PXN: variants seen among roughly 807,000 people sequenced by gnomAD.
PXN encodes testicular tissue protein Li 134.
PXN carries 61 observed loss-of-function variants against 103.6 expected under a neutral mutation model. The observed-to-expected ratio is 0.59, with a 90% CI of 0.48 to 0.73. The LOEUF (loss-of-function observed/expected upper bound fraction) is 0.73. Among genes scored for constraint, PXN ranks in the 30% least tolerant of loss-of-function variants. PXN has a pLI of 0.00. For missense variants in PXN, 1,274 were observed against 1,460.3 expected (o/e 0.87, Z 2.08); for synonymous variants, 562 against 607.8 (o/e 0.92, Z 1.11).
At position 120,219,257 on chromosome 12, in the gene PXN, T is replaced by C. The variant is rs1231707212; in HGVS notation, c.1666A>G (p.Met556Val). Residue 556 changes from methionine (M) to valine (V), a missense_variant, in exon 7 of 15, where the codon ATG becomes GTG. This residue lies in a region of PXN where 1,178 missense variants were observed against 1,309.0 expected (regional missense o/e 0.90). Transcript: ENST00000637617. This position sits in a 1 kb window ranked among gnomAD's most constrained non-coding sequence, Gnocchi z 6.5. ...GTGGTGCTGGGTGTGCCCATGGCCA[T>C]GGCACATGGAAGCTCTGGCTGTTCC... ...GKEQPELPCA[M>V]AMGTPSTTER... 1.3e-6 allele frequency: 2 copies of C among 1,597,948 alleles called. No homozygotes were observed. Among genetic ancestry groups the C allele is most frequent in the East Asian group, 2.2e-5 (1 of 44,864 alleles).
In PXN at chr12:120,212,597, G is replaced by A. The variant is rs1267434602; in HGVS notation, c.2980-17C>T. 2 of 1,606,486 alleles carry A rather than the reference G, an allele frequency of 1.2e-6. No homozygotes were observed. The highest frequency in any genetic ancestry group is 1.7e-5 in the Admixed American group (1 of 59,876). On this transcript the variant is annotated splice_polypyrimidine_tract_variant and intron_variant, in intron 14 of 14. Transcript: ENST00000637617. The surrounding 1 kb of genome is among the most constrained non-coding windows in gnomAD (Gnocchi z 7.2). ...GAAGCATTCCTGCCAGGCGGAGAGA[G>A]GGGCTCAGGGAGCTGCCCCTCGGGC...
rs771359040 is a variant in PXN at position 120,219,648 on chromosome 12, C to G, written c.1275G>C (p.Ser425=). The change falls in exon 7 of 15, where the codon TCG becomes TCC. Residue 425 remains serine (S), a synonymous_variant. Transcript: ENST00000637617. This position sits in a 1 kb window ranked among gnomAD's most constrained non-coding sequence, Gnocchi z 6.5. ...GEPQGPPASP[S]CPEEALAATW... ...TGGCAGCCAAGGCCTCCTCTGGGCACGAAGGGCTGGCTGGTGGCCCCTGGG... is the reference window on the plus strand; with the variant it reads ...TGGCAGCCAAGGCCTCCTCTGGGCAGGAAGGGCTGGCTGGTGGCCCCTGGG... 19 of 1,579,088 alleles carry G rather than the reference C, an allele frequency of 1.2e-5. No individual in the cohort carries two copies. Among genetic ancestry groups the G allele is most frequent in the Non-Finnish European group, 1.4e-5 (16 of 1,170,870 alleles).
intron 1 of PXN, among the ~76,000 whole-genome samples, chr12:120,250,769 T>C (rs117468623): frequency 0.011 from 1,678 of 152,270 alleles, 18 homozygotes; most frequent in Non-Finnish European, 0.017. Flanking sequence ...TGAAGAGTCC[T>C]AAATCACATT....
At chr12:120,242,768 C>A (rs540784324) in intron 1 of PXN, among the ~76,000 whole-genome samples, 1 of 151,948 alleles carries the variant, frequency 6.6e-6, no homozygotes, top group Non-Finnish European at 1.5e-5. Context: ...GTAATCCCAG[C>A]TATTCAGGAG....
At chr12:120,226,070 A>T in intron 1 of PXN, 1 of 1,098,962 alleles carries the variant, frequency 9.1e-7, no homozygotes, top group Non-Finnish European at 1.1e-6. Flanking sequence ...AACCGGAACT[A>T]GAGGGAGTTG....
At position 120,222,453 on chromosome 12, in the gene PXN, G is replaced by A; in HGVS notation, c.695+96C>T. ...GCCTGGCAAATGGCAGACACGGGAGGGAGTGGGTGATACCAGGGCTAAGGG... is the reference window on the plus strand; with the variant it reads ...GCCTGGCAAATGGCAGACACGGGAGAGAGTGGGTGATACCAGGGCTAAGGG... On this transcript the variant is annotated intron_variant, in intron 5 of 14. Coordinates refer to ENST00000637617, the MANE Select transcript of PXN (RefSeq NM_001385981.1). The surrounding 1 kb of genome is among the most constrained non-coding windows in gnomAD (Gnocchi z 4.7). The A allele has an allele frequency of 7.6e-7, 1 of 1,320,904 alleles. No homozygotes were observed. The highest frequency in any genetic ancestry group is 1.0e-6 in the Non-Finnish European group (1 of 977,206). The allele number at this position is 1,320,904 out of a possible 1,614,324, so 81.8% of individuals were successfully genotyped here. A position where few individuals can be genotyped will look rare whatever the true frequency, so the allele number is the denominator to read the frequency against.
chr12:120,257,048 G>A (rs553384080), intron 1 of PXN, among the ~76,000 whole-genome samples: 4 of 152,026 alleles, frequency 2.6e-5, no homozygotes, highest in Non-Finnish European at 5.9e-5. Context: ...TTTTAGAAGA[G>A]GCCAAAGTCT....
At chr12:120,249,115 C>G in intron 1 of PXN, among the ~76,000 whole-genome samples, 1 of 151,700 alleles carries the variant, frequency 6.6e-6, no homozygotes, top group East Asian at 1.9e-4. Context: ...CCAGCCTGGG[C>G]GACAGAGCAA....
In PXN at chr12:120,249,740, C is replaced by T. The variant is rs58919380; in HGVS notation, c.13+15877G>A. ...GGCTTGGCTGCCTCCAAAGACCAGA[C>T]AAAAAGACTTCAAGTGCCAACTTCC... On this transcript the variant is annotated intron_variant, in intron 1 of 14. Transcript: ENST00000637617. 2,449 of 650,288 alleles carry T rather than the reference C, an allele frequency of 3.8e-3. 42 individuals are homozygous for T. In the East Asian group the frequency reaches 0.096, roughly 25 times the overall value. The allele number at this position is 650,288 out of a possible 1,614,324, so 40.3% of individuals were successfully genotyped here.
chr12:120,222,367 C>T lies in PXN; in HGVS notation c.695+182G>A, dbSNP rs932824169. On this transcript the variant is annotated intron_variant, in intron 5 of 14. Coordinates refer to ENST00000637617, the MANE Select transcript of PXN (RefSeq NM_001385981.1). The surrounding 1 kb of genome is among the most constrained non-coding windows in gnomAD (Gnocchi z 4.7). Reference sequence around the variant, plus strand: ...CCTGCACAACGTCTGTCCTTTCTGACTGGCAGTGACTGGCTGAAGGCAGGG... The same window carrying T: ...CCTGCACAACGTCTGTCCTTTCTGATTGGCAGTGACTGGCTGAAGGCAGGG... Among the ~76,000 whole-genome samples, 1 of 152,250 alleles carries T rather than the reference C, an allele frequency of 6.6e-6. No individual in the cohort carries two copies. Among genetic ancestry groups the T allele is most frequent in the Non-Finnish European group, 1.5e-5 (1 of 68,040 alleles).
At chr12:120,231,556 G>A (rs181453599) in intron 1 of PXN, among the ~76,000 whole-genome samples, 208 of 152,258 alleles carry the variant, frequency 1.4e-3, no homozygotes, top group African/African-American at 4.6e-3. Context: ...CCAGTCAGCC[G>A]CCAGGGGAGG....
In PXN at chr12:120,265,576, C is replaced by T. The variant is rs774553909; in HGVS notation, c.13+41G>A. ...GGCGCCCTCCTGGCCCCAAGCTGCG[C>T]GCCTCTCGCCTCCTCCTCCCTCGGC... On this transcript the variant is annotated intron_variant, in intron 1 of 14. Coordinates refer to ENST00000637617, the MANE Select transcript of PXN (RefSeq NM_001385981.1). The surrounding 1 kb of genome is among the most constrained non-coding windows in gnomAD (Gnocchi z 5.7). The T allele has an allele frequency of 2.0e-6, 3 of 1,479,138 alleles. No individual in the cohort carries two copies. The highest frequency in any genetic ancestry group is 1.3e-5 in the South Asian group (1 of 78,324). The allele number at this position is 1,479,138 out of a possible 1,614,324, so 91.6% of individuals were successfully genotyped here.
chr12:120,224,249 G>A lies in PXN; in HGVS notation c.142C>T (p.Pro48Ser). Residue 48 changes from proline to serine, a missense_variant, in exon 2 of 15, where the codon CCC becomes TCC. By Grantham distance (74) the Pro-to-Ser change is moderately conservative. Transcript: ENST00000637617. The surrounding 1 kb of genome is among the most constrained non-coding windows in gnomAD (Gnocchi z 5.0). ...TCGCTGGACGGGGGTGGGGGGACGG[G>A]GGGTGGCACGGCAATCTCCTGGTAT... is the stretch of plus-strand genomic sequence containing the variant. ...HTYQEIAVPP[P>S]VPPPPSSEAL... The A allele has an allele frequency of 2.5e-6, 4 of 1,613,178 alleles. No homozygotes were observed. Among genetic ancestry groups the A allele is most frequent in the South Asian group, 1.1e-5 (1 of 91,068 alleles).
intron 1 of PXN, among the ~76,000 whole-genome samples, chr12:120,246,235 TA>T (rs1437444993): frequency 6.7e-6 from 1 of 149,104 alleles, no homozygotes; most frequent in Non-Finnish European, 1.5e-5. Context: ...AAAATAAAAA[TA>T]AAAAATTAGG....
Position 120,219,663 on chromosome 12 carries a change from T to TG in PXN, c.1259dup (p.Pro421ThrfsTer27). On this transcript the variant is annotated frameshift_variant, in exon 7 of 15. Coordinates refer to ENST00000637617, the MANE Select transcript of PXN (RefSeq NM_001385981.1). LOFTEE classifies it high-confidence loss of function. The surrounding 1 kb of genome is among the most constrained non-coding windows in gnomAD (Gnocchi z 6.5). ...CCTCTGGGCACGAAGGGCTGGCTGG[T>TG]GGCCCCTGGGGCTCCCCAGGCTCTT... 6.3e-7 allele frequency: 1 copy of TG among 1,584,296 alleles called. No individual in the cohort carries two copies. Among genetic ancestry groups the TG allele is most frequent in the Non-Finnish European group, 8.5e-7 (1 of 1,173,608 alleles).
At position 120,215,003 on chromosome 12, in the gene PXN, G is replaced by A. The variant is rs1460625975; in HGVS notation, c.2575-5C>T. ...CTTCCCCATGGCGGTCACAACCTGAGGAGGAGATGGAATGCGGTCCAGGGC... is the reference window on the plus strand; with the variant it reads ...CTTCCCCATGGCGGTCACAACCTGAAGAGGAGATGGAATGCGGTCCAGGGC... On this transcript the variant is annotated splice_polypyrimidine_tract_variant and splice_region_variant and intron_variant, in intron 11 of 14. Coordinates refer to ENST00000637617, the MANE Select transcript of PXN (RefSeq NM_001385981.1). The surrounding 1 kb of genome is among the most constrained non-coding windows in gnomAD (Gnocchi z 4.9). 8.1e-6 allele frequency: 13 copies of A among 1,612,680 alleles called. No homozygotes were observed. The highest frequency in any genetic ancestry group is 1.1e-5 in the Non-Finnish European group (13 of 1,179,330).
chr12:120,245,235 G>A (rs1482644805), intron 1 of PXN, among the ~76,000 whole-genome samples: 1 of 152,086 alleles, frequency 6.6e-6, no homozygotes, highest in Non-Finnish European at 1.5e-5. Context: ...TGCACCACCG[G>A]AATGTGTCAG....
At position 120,216,712 on chromosome 12, in the gene PXN, T is replaced by C. The variant is rs1445984543; in HGVS notation, c.1992+129A>G. On this transcript the variant is annotated intron_variant, in intron 8 of 14. Transcript: ENST00000637617. This position sits in a 1 kb window ranked among gnomAD's most constrained non-coding sequence, Gnocchi z 5.1. Reference sequence around the variant, plus strand: ...CAAGAGTGGGGCCAGTCTTCCAAAGTCACAGGAGGCAAGAAACCCCCACCC... The same window carrying C: ...CAAGAGTGGGGCCAGTCTTCCAAAGCCACAGGAGGCAAGAAACCCCCACCC... 1 of 1,593,946 alleles carries C rather than the reference T, an allele frequency of 6.3e-7. No individual in the cohort carries two copies. The highest frequency in any genetic ancestry group is 1.1e-5 in the South Asian group (1 of 90,364).
At chr12:120,223,911 C>G (rs543726830) in intron 2 of PXN, 78 bp from the exon 3 acceptor site, 2 of 1,139,418 alleles carry the variant, frequency 1.8e-6, no homozygotes, top group Admixed American at 2.2e-5. Context: ...CCAGTCACCC[C>G]CAGGAGGCTC....
Sources: gnomAD v4.1 joint callset for allele counts (sites outside exome capture counted in the v4.1 genomes callset) on GRCh38, gnomAD v4.1.1 for gene constraint, gnomAD v4.1.1 regional missense constraint, Gnocchi (gnomAD v3.1) non-coding constraint, MANE v1.5 for transcripts, NCBI Gene and HGNC (gene_info 2026-07-23, HGNC 2026-07-21) for gene names.